ZNF425: variants seen among roughly 807,000 people sequenced by gnomAD.
The protein encoded by ZNF425 is zinc finger protein 425.
ZNF425 carries 21 observed loss-of-function variants against 17.0 expected under a neutral mutation model. The ratio of observed to expected loss-of-function variants is 1.23; its 90% CI spans 0.88 to 1.78. The LOEUF (loss-of-function observed/expected upper bound fraction) is 1.78. Among genes scored for constraint, ZNF425 ranks in the 40% most tolerant of loss-of-function variants. ZNF425 has a pLI of 0.00. For synonymous variants in ZNF425, 433 were observed against 384.1 expected (o/e 1.13, Z -1.49); for missense variants, 868 against 967.3 (o/e 0.90, Z 1.36).
intron 1 of ZNF425, chr7:149,125,826 G>A (rs1319180811): frequency 5.0e-6 from 2 of 398,768 alleles, no homozygotes; most frequent in Non-Finnish European, 9.2e-6. Context: ...GGGGAACCTG[G>A]TGGTCCCCGC....
chr7:149,112,619 C>T (rs773190898), intron 2 of ZNF425, among the ~76,000 whole-genome samples: 1 of 152,020 alleles, frequency 6.6e-6, no homozygotes, highest in Non-Finnish European at 1.5e-5. Context: ...GGCAACAGAC[C>T]GAGACTCCGT....
rs1293779803 is a variant in ZNF425 at position 149,126,283 on chromosome 7, G to A, written c.-70C>T. The A allele has an allele frequency of 3.4e-5, 54 of 1,568,340 alleles. No individual in the cohort carries two copies. The highest frequency in any genetic ancestry group is 4.3e-5 in the Non-Finnish European group (50 of 1,157,522). ...CGCTCCGCCCCAACCCAACTCCCAG[G>A]TACAGCCCTGCTGGCCCCCAAAGGC... On this transcript the variant is annotated 5_prime_UTR_variant, in exon 1 of 4. Coordinates refer to ENST00000378061, the MANE Select transcript of ZNF425 (RefSeq NM_001001661.3).
Position 149,104,620 on chromosome 7 carries a change from G to A in ZNF425, c.1251C>T (p.Pro417=), listed in dbSNP as rs765262599. The A allele has an allele frequency of 2.5e-6, 4 of 1,614,076 alleles. No homozygotes were observed. The Admixed American group carries it at 5.0e-5, about 20-fold the overall frequency. The change falls in exon 4 of 4, where the codon CCC becomes CCT. Residue 417 remains proline (P), a synonymous_variant. Coordinates refer to ENST00000378061, the MANE Select transcript of ZNF425 (RefSeq NM_001001661.3). This position sits in a 1 kb window ranked among gnomAD's most constrained non-coding sequence, Gnocchi z 4.3. ...TGAGGCGGAAACTTTTGTTACACTC[G>A]GGACACGAAAAGGGCTTCTCTCCCG... ...VHTGEKPFSC[P]ECNKSFRLKR...
Position 149,103,467 on chromosome 7 carries a change from C to G in ZNF425, c.*145G>C. ...TTCTGGGCTCAAGCGATCCTCCCAC[C>G]TGGGCCTCCCAAAGTAATGGGATTA... On this transcript the variant is annotated 3_prime_UTR_variant, in exon 4 of 4. Transcript: ENST00000378061. The G allele has an allele frequency of 2.8e-6, 3 of 1,070,346 alleles. No individual in the cohort carries two copies. The highest frequency in any genetic ancestry group is 3.9e-6 in the Non-Finnish European group (3 of 767,932). The allele number at this position is 1,070,346 out of a possible 1,614,324, so 66.3% of individuals were successfully genotyped here.
intron 2 of ZNF425, 125 bp downstream of exon 2, chr7:149,118,097 G>A (rs1485007145): frequency 6.9e-6 from 7 of 1,017,984 alleles, no homozygotes; most frequent in Middle Eastern, 2.1e-4. Flanking sequence ...AGGAAAGGGA[G>A]GAGACATTAT....
In ZNF425 at chr7:149,105,133, G is replaced by A. The variant is rs1411351999; in HGVS notation, c.738C>T (p.Phe246=). Residue 246 remains phenylalanine (F), a synonymous_variant, in exon 4 of 4, where the codon TTC becomes TTT. Coordinates refer to ENST00000378061, the MANE Select transcript of ZNF425 (RefSeq NM_001001661.3). The part of the protein sequence containing the change: ...TQRLLCQKKR[F]QCSECEKSYF... ...AGCTCTTCTCACACTCACTGCACTGGAACCGCTTCTTCTGACACAGGAGCC... is the reference window on the plus strand; with the variant it reads ...AGCTCTTCTCACACTCACTGCACTGAAACCGCTTCTTCTGACACAGGAGCC... The A allele has an allele frequency of 6.2e-7, 1 of 1,614,212 alleles. No individual in the cohort carries two copies. The highest frequency in any genetic ancestry group is 1.7e-5 in the Admixed American group (1 of 60,014).
At chr7:149,110,035 CCTGA>C (rs1826148472) in intron 3 of ZNF425, among the ~76,000 whole-genome samples, 1 of 151,738 alleles carries the variant, frequency 6.6e-6, no homozygotes, top group Admixed American at 6.6e-5. Flanking sequence ...TGCCACCACA[CCTGA>C]CTAATTTTTG....
chr7:149,121,331 G>C lies in ZNF425; in HGVS notation c.19-2983C>G, dbSNP rs1826348372. Among the ~76,000 whole-genome samples, 2 of 31,492 alleles carry C rather than the reference G, an allele frequency of 6.4e-5. 1 individual carries two copies. The highest frequency in any genetic ancestry group is 6.7e-3 in the South Asian group (2 of 300). 20.7% of individuals were successfully genotyped at this position (31,492 alleles called of 152,430 possible). ...GGGATGGTCTCGATCTCCTGACCTC[G>C]TGATCCGCCCGCCTCGGCCTCCCAA... is the stretch of plus-strand genomic sequence containing the variant. On this transcript the variant is annotated intron_variant, in intron 1 of 3. Coordinates refer to ENST00000378061, the MANE Select transcript of ZNF425 (RefSeq NM_001001661.3).
At chr7:149,122,224 T>A (rs143353042) in intron 1 of ZNF425, among the ~76,000 whole-genome samples, 5 of 151,728 alleles carry the variant, frequency 3.3e-5, no homozygotes, top group African/African-American at 1.2e-4. Flanking sequence ...GAGCCACCAC[T>A]CCCGGCCATC....
intron 2 of ZNF425, among the ~76,000 whole-genome samples, chr7:149,115,874 G>A (rs910637686): frequency 1.3e-4 from 20 of 152,194 alleles, no homozygotes; most frequent in African/African-American, 4.3e-4. Flanking sequence ...TGTGAAAAAT[G>A]TAGATCCCTG....
chr7:149,114,490 C>T lies in ZNF425; in HGVS notation c.146-2195G>A, dbSNP rs556725874. Among the ~76,000 whole-genome samples the T allele has an allele frequency of 1.9e-4, 29 of 151,400 alleles. No homozygotes were observed. The South Asian group carries it at 4.8e-3, about 25-fold the overall frequency. ...GTGGCTCACTGCAACCTCCGCCTTC[C>T]GAGTTCAAGCAATTCTCCTGCCTCA... On this transcript the variant is annotated intron_variant, in intron 2 of 3. Coordinates refer to ENST00000378061, the MANE Select transcript of ZNF425 (RefSeq NM_001001661.3).
intron 1 of ZNF425, among the ~76,000 whole-genome samples, chr7:149,123,364 G>A (rs552089707): frequency 2.0e-5 from 3 of 152,226 alleles, no homozygotes; most frequent in East Asian, 1.9e-4. Flanking sequence ...AGAAAATGTT[G>A]GTCAGAAGCA....
rs1218882825 is a variant in ZNF425 at position 149,125,081 on chromosome 7, A to AG, written c.18+1114dup. Among the ~76,000 whole-genome samples, 44 of 152,332 alleles carry AG rather than the reference A, an allele frequency of 2.9e-4. 1 individual carries two copies. In the South Asian group the frequency reaches 8.7e-3, roughly 30 times the overall value. ...AGATTCCCAATCACTTAAAGAGGAGAGAAAAAAAGAAAGCCTGGCTGTAGA... is the reference window on the plus strand; with the variant it reads ...AGATTCCCAATCACTTAAAGAGGAGAGGAAAAAAAGAAAGCCTGGCTGTAGA... On this transcript the variant is annotated intron_variant, in intron 1 of 3. Coordinates refer to ENST00000378061, the MANE Select transcript of ZNF425 (RefSeq NM_001001661.3).
intron 3 of ZNF425, among the ~76,000 whole-genome samples, chr7:149,107,333 A>AT (rs1228205362): frequency 2.1e-4 from 29 of 139,084 alleles, no homozygotes; most frequent in African/African-American, 7.2e-4. Flanking sequence ...TTATTTATTT[A>AT]TTTATTTATT....
rs1826011438 is a variant in ZNF425, at chr7:149,103,525, G to A, written c.*87C>T. Reference sequence around the variant, plus strand: ...GAGCCACTGTGCCCGATCTTACCCTGTGAATCCTTCAACCTGCCTCAACTT... The same window carrying A: ...GAGCCACTGTGCCCGATCTTACCCTATGAATCCTTCAACCTGCCTCAACTT... On this transcript the variant is annotated 3_prime_UTR_variant, in exon 4 of 4. Coordinates refer to ENST00000378061, the MANE Select transcript of ZNF425 (RefSeq NM_001001661.3). 5 of 1,477,738 alleles carry A rather than the reference G, an allele frequency of 3.4e-6. 1 individual carries two copies. The highest frequency in any genetic ancestry group is 4.8e-5 in the Admixed American group (2 of 42,058). 91.5% of individuals were successfully genotyped at this position (1,477,738 alleles called of 1,614,324 possible). A position where few individuals can be genotyped will look rare whatever the true frequency, so the allele number is the denominator to read the frequency against.
chr7:149,104,237 G>T lies in ZNF425; in HGVS notation c.1634C>A (p.Thr545Lys). 6.2e-7 allele frequency: 1 copy of T among 1,613,470 alleles called. No homozygotes were observed. Among genetic ancestry groups the T allele is most frequent in the East Asian group, 2.2e-5 (1 of 44,846 alleles). Reference protein sequence around the residue: ...FRRRAHLTEHTRLHSGEEPFQ... With the variant: ...FRRRAHLTEHKRLHSGEEPFQ... ...GGGCTCCTCGCCACTGTGAAGCCTC[G>T]TGTGCTCTGTGAGATGCGCGCGTCG... Residue 545 changes from threonine (T) to lysine (K), a missense_variant, in exon 4 of 4, where the codon ACG (threonine) becomes AAG (lysine). Physicochemically the swap from Thr to Lys is moderately conservative, Grantham distance 78. Around this residue, in one of 5 missense-constraint regions of ZNF425, gnomAD observed 437 missense variants for 444.2 expected, o/e 0.98. Transcript: ENST00000378061. This position sits in a 1 kb window ranked among gnomAD's most constrained non-coding sequence, Gnocchi z 4.3.
At chr7:149,122,060 C>T (rs1188833337) in intron 1 of ZNF425, among the ~76,000 whole-genome samples, 2 of 151,034 alleles carry the variant, frequency 1.3e-5, no homozygotes, top group African/African-American at 4.9e-5. Context: ...GGACTACAGG[C>T]ACCCGTCACC....
chr7:149,118,603 A>T (rs1826303965), intron 1 of ZNF425: 4 of 444,472 alleles, frequency 9.0e-6, no homozygotes, highest in Middle Eastern at 6.7e-4. Context: ...ACCTGAGGTC[A>T]GGAGTTTGAG....
At chr7:149,108,916 GCTC>G (rs1826126371) in intron 3 of ZNF425, among the ~76,000 whole-genome samples, 1 of 151,870 alleles carries the variant, frequency 6.6e-6, no homozygotes, top group African/African-American at 2.4e-5. Flanking sequence ...ATCTTCCCAA[GCTC>G]CTCCCATTCT....
Sources: allele counts gnomAD v4.1 joint callset (sites outside exome capture counted in the v4.1 genomes callset), GRCh38; gene constraint gnomAD v4.1.1; regional missense constraint gnomAD v4.1.1; non-coding constraint Gnocchi (gnomAD v3.1); transcripts MANE v1.5; gene names NCBI Gene and HGNC (gene_info 2026-07-23, HGNC 2026-07-21).